Variants in OR11A1 observed in about 807,000 individuals in gnomAD.
OR11A1 encodes olfactory receptor 11A1.
For synonymous variants in OR11A1, 158 were observed against 152.2 expected (o/e 1.04, Z -0.28); for missense variants, 380 against 378.2 (o/e 1.00, Z -0.04).
In OR11A1 at chr6:29,428,949, T is replaced by G; in HGVS notation, c.-128A>C. 1 of 973,226 alleles carries G rather than the reference T, an allele frequency of 1.0e-6. No individual in the cohort carries two copies. Among genetic ancestry groups the G allele is most frequent in the Non-Finnish European group, 1.2e-6 (1 of 819,250 alleles). 60.3% of individuals were successfully genotyped at this position (973,226 alleles called of 1,614,324 possible). ...TTTTCATATGCTATTCAAAGCAATA[T>G]GTGTTTATTAACTGAAGACAATGAG... On this transcript the variant is annotated 5_prime_UTR_variant, in exon 4 of 5. Transcript: ENST00000377149.
rs915665474 is a variant in OR11A1, at chr6:29,453,265, C to T, written c.-389+3722G>A. On this transcript the variant is annotated intron_variant, in intron 1 of 4. Coordinates refer to ENST00000377149, the MANE Select transcript of OR11A1 (RefSeq NM_001394828.1). The surrounding 1 kb of genome is among the most constrained non-coding windows in gnomAD (Gnocchi z 4.5). ...GGTGAATTAAAGAGGACAGCAAATCCTTCCTTCCTCCACCTCACAAATAAA... is the reference window on the plus strand; with the variant it reads ...GGTGAATTAAAGAGGACAGCAAATCTTTCCTTCCTCCACCTCACAAATAAA... 6.6e-6 allele frequency among the ~76,000 whole-genome samples: 1 copy of T among 151,266 alleles called. No homozygotes were observed. Among genetic ancestry groups the T allele is most frequent in the Non-Finnish European group, 1.5e-5 (1 of 67,800 alleles).
intron 1 of OR11A1, among the ~76,000 whole-genome samples, chr6:29,444,413 T>C (rs1784514800): frequency 6.6e-6 from 1 of 152,200 alleles, no homozygotes; most frequent in Non-Finnish European, 1.5e-5. Context: ...AGACATGGGT[T>C]GTGATCTCTA....
rs1782814742 is a variant in OR11A1, at chr6:29,426,523, TTAAAA to T, written c.*166_*170del. The T allele has an allele frequency of 1.7e-6, 1 of 584,368 alleles. No homozygotes were observed. The highest frequency in any genetic ancestry group is 3.0e-6 in the Non-Finnish European group (1 of 333,248). The allele number at this position is 584,368 out of a possible 1,614,324, so 36.2% of individuals were successfully genotyped here. ...CAAACCTGCACATGTACCCTTGAACTTAAAATAAAAGTTAAAAAATTGTTGCCCTA... is the reference window on the plus strand; with the variant it reads ...CAAACCTGCACATGTACCCTTGAACTTAAAAGTTAAAAAATTGTTGCCCTA... On this transcript the variant is annotated 3_prime_UTR_variant, in exon 5 of 5. Coordinates refer to ENST00000377149, the MANE Select transcript of OR11A1 (RefSeq NM_001394828.1).
rs1291721906 is a variant in OR11A1, at chr6:29,427,084, C to T, written c.558G>A (p.Val186=). 2 of 1,612,406 alleles carry T rather than the reference C, an allele frequency of 1.2e-6. No individual in the cohort carries two copies. The highest frequency in any genetic ancestry group is 3.3e-5 in the Admixed American group (2 of 60,000). The part of the protein sequence containing the change: ...DQFYCDFMLF[V]GLACSDPRVA... Reference sequence around the variant, plus strand: ...CTCTGGGATCCGAGCAAGCCAGGCCCACGAAAAGCATAAAGTCACAGTAAA... The same window carrying T: ...CTCTGGGATCCGAGCAAGCCAGGCCTACGAAAAGCATAAAGTCACAGTAAA... Residue 186 remains valine, a synonymous_variant, in exon 5 of 5, where the codon GTG becomes GTA. Coordinates refer to ENST00000377149, the MANE Select transcript of OR11A1 (RefSeq NM_001394828.1).
intron 1 of OR11A1, among the ~76,000 whole-genome samples, chr6:29,447,460 T>C (rs1784882217): frequency 1.3e-5 from 2 of 152,244 alleles, no homozygotes; most frequent in African/African-American, 4.8e-5. Flanking sequence ...TGATGCCAAT[T>C]TGGAATTTTA....
At chr6:29,442,562 A>C (rs1784299400) in intron 1 of OR11A1, among the ~76,000 whole-genome samples, 1 of 152,242 alleles carries the variant, frequency 6.6e-6, no homozygotes, top group Admixed American at 6.5e-5. Context: ...TCCAGAGAGC[A>C]CTTGCTGTCC....
At chr6:29,442,232 A>C (rs534992480) in intron 1 of OR11A1, among the ~76,000 whole-genome samples, 1 of 152,196 alleles carries the variant, frequency 6.6e-6, no homozygotes, top group African/African-American at 2.4e-5. Context: ...GGCTCTATAC[A>C]TCACTGTTAA....
intron 1 of OR11A1, chr6:29,440,986 T>C: frequency 7.3e-7 from 1 of 1,368,010 alleles, no homozygotes; most frequent in Non-Finnish European, 1.0e-6. Context: ...TGTGCAGTGC[T>C]CTGAGTCAGT....
intron 1 of OR11A1, among the ~76,000 whole-genome samples, chr6:29,454,295 T>C (rs578101099): frequency 1.3e-5 from 2 of 152,216 alleles, no homozygotes; most frequent in African/African-American, 4.8e-5. Flanking sequence ...TAGTCTTTCA[T>C]TGGGTAGGGA....
intron 1 of OR11A1, among the ~76,000 whole-genome samples, chr6:29,436,117 G>A (rs571544334): frequency 1.1e-3 from 171 of 152,214 alleles, no homozygotes; most frequent in Non-Finnish European, 1.8e-3. Flanking sequence ...CAGCACCTTC[G>A]CAGTCGTTCA....
chr6:29,448,010 CTTTTTTT>C (rs9280602), intron 1 of OR11A1, among the ~76,000 whole-genome samples: 2 of 79,934 alleles, frequency 2.5e-5, no homozygotes, highest in Non-Finnish European at 4.6e-5. Flanking sequence ...ATGACCCTTT[CTTTTTTT>C]TTTTTTTTTT....
At chr6:29,440,176 T>G (rs1561793126) in intron 1 of OR11A1, 1 of 1,613,748 alleles carries the variant, frequency 6.2e-7, no homozygotes, top group East Asian at 2.2e-5. Flanking sequence ...GATGCTGCCC[T>G]CCAGTCCCCT....
intron 1 of OR11A1, chr6:29,440,080 T>C: frequency 6.2e-7 from 1 of 1,613,238 alleles, no homozygotes; most frequent in Non-Finnish European, 8.5e-7. Context: ...CTGGCCGACC[T>C]CCAGGGCTTG....
At chr6:29,454,901 T>A (rs1263750997) in intron 1 of OR11A1, among the ~76,000 whole-genome samples, 3 of 151,362 alleles carry the variant, frequency 2.0e-5, no homozygotes, top group African/African-American at 7.3e-5. Context: ...CCATTTTTTT[T>A]ATCGCTTCTC....
At chr6:29,447,664 G>A (rs1176505225) in intron 1 of OR11A1, among the ~76,000 whole-genome samples, 1 of 152,190 alleles carries the variant, frequency 6.6e-6, no homozygotes, top group Non-Finnish European at 1.5e-5. Context: ...ACCATTATGG[G>A]CCCTCTGGCA....
At chr6:29,432,459 G>C (rs9257858) in intron 1 of OR11A1, among the ~76,000 whole-genome samples, 29,925 of 151,868 alleles carry the variant, frequency 0.2, 2,983 homozygotes, top group Admixed American at 0.23. Flanking sequence ...GTCCTCCCAG[G>C]AGCCTGCCCT....
intron 1 of OR11A1, among the ~76,000 whole-genome samples, chr6:29,450,976 A>G (rs1305657033): frequency 2.0e-5 from 3 of 152,248 alleles, no homozygotes; most frequent in South Asian, 2.1e-4. Context: ...CTACAAGGTT[A>G]CAGTAACCAA....
intron 1 of OR11A1, among the ~76,000 whole-genome samples, chr6:29,456,255 G>T (rs7764048): frequency 0.034 from 5,066 of 151,070 alleles, 199 homozygotes; most frequent in African/African-American, 0.1. Context: ...GGGCACGGTG[G>T]CTCACGCCTG....
chr6:29,454,258 C>A lies in OR11A1; in HGVS notation c.-389+2729G>T, dbSNP rs181603877. On this transcript the variant is annotated intron_variant, in intron 1 of 4. Coordinates refer to ENST00000377149, the MANE Select transcript of OR11A1 (RefSeq NM_001394828.1). ...TCTAATATAAATAGTTAAATTAAAA[C>A]CATTTTTAAAGAATTCATGGACAAT... Among the ~76,000 whole-genome samples, 1,009 of 152,078 alleles carry A rather than the reference C, an allele frequency of 6.6e-3. 9 individuals are homozygous for A. The highest frequency in any genetic ancestry group is 0.01 in the Middle Eastern group (3 of 294).
Sources: gnomAD v4.1 joint callset for allele counts (sites outside exome capture counted in the v4.1 genomes callset) on GRCh38, gnomAD v4.1.1 for gene constraint, Gnocchi (gnomAD v3.1) non-coding constraint, MANE v1.5 for transcripts, NCBI Gene and HGNC (gene_info 2026-07-23, HGNC 2026-07-21) for gene names.